The following CROCC variants were observed in gnomAD, a reference collection of about 807,000 sequenced individuals.
CROCC encodes the protein rootletin.
Under a neutral mutation model 245.2 loss-of-function variants are expected in CROCC, and 180 were observed. The observed-to-expected ratio is 0.73, with a 90% confidence interval of 0.65 to 0.83. CROCC has a LOEUF of 0.83. Ranked by LOEUF, CROCC falls within the 40% of genes least tolerant of loss-of-function variation. The pLI, the probability that CROCC is intolerant of heterozygous loss-of-function variation, is 0.00. For synonymous variants in CROCC, 1,205 were observed against 1,241.6 expected (o/e 0.97, Z 0.62); for missense variants, 2,688 against 2,779.4 (o/e 0.97, Z 0.74).
chr1:16,959,931 G>A (rs1324937193), intron 26 of CROCC, among the ~76,000 whole-genome samples: 1 of 151,388 alleles, frequency 6.6e-6, no homozygotes, highest in Non-Finnish European at 1.5e-5. Context: ...TGATTAATAA[G>A]CTGCTGTCAA....
At position 16,946,807 on chromosome 1, in the gene CROCC, A is replaced by G. The variant is rs1351014821; in HGVS notation, c.2330A>G (p.Glu777Gly). ...CTGCAGGGCCGGCAACGGCAGGCAG[A>G]GCAGGAGGCCACAGTGGCGCGGGAA... Reference protein sequence around the residue: ...SALQGRQRQAEQEATVAREEQ... With the variant: ...SALQGRQRQAGQEATVAREEQ... Residue 777 changes from glutamate (E) to glycine (G), a missense_variant, in exon 17 of 37, where the codon GAG (glutamate) becomes GGG (glycine). Around this residue, in one of 9 missense-constraint regions of CROCC, gnomAD observed 295 missense variants for 241.7 expected, o/e 1.22. Transcript: ENST00000375541. 1 of 1,552,560 alleles carries G rather than the reference A, an allele frequency of 6.4e-7. No individual in the cohort carries two copies.
At chr1:16,933,318 T>C (rs1196886806) in intron 8 of CROCC, among the ~76,000 whole-genome samples, 2 of 152,226 alleles carry the variant, frequency 1.3e-5, no homozygotes, top group African/African-American at 2.4e-5. Flanking sequence ...AATACAAAAC[T>C]TATCTAGGTG....
In CROCC at chr1:16,954,978, C is replaced by T. The variant is rs2076225484; in HGVS notation, c.3465+101C>T. On this transcript the variant is annotated intron_variant, in intron 23 of 36. Coordinates refer to ENST00000375541, the MANE Select transcript of CROCC (RefSeq NM_014675.5). The surrounding 1 kb of genome is among the most constrained non-coding windows in gnomAD (Gnocchi z 4.4). ...CCCCAGAAGAGTGTAAGATTCCTCC[C>T]TGCATTTGAGGACCAATGAATAGCA... 18 of 1,371,242 alleles carry T rather than the reference C, an allele frequency of 1.3e-5. No individual in the cohort carries two copies. Among genetic ancestry groups the T allele is most frequent in the Non-Finnish European group, 1.5e-5 (16 of 1,036,098 alleles). 84.9% of individuals were successfully genotyped at this position (1,371,242 alleles called of 1,614,324 possible).
chr1:16,964,137 A>ATTT lies in CROCC; in HGVS notation c.4406-1573_4406-1571dup, dbSNP rs59284131. On this transcript the variant is annotated intron_variant, in intron 27 of 36. Transcript: ENST00000375541. Reference sequence around the variant, plus strand: ...TTTTCTTTTCTTTTCTTTTTTCTTTATTTTTTTTTTTTTTTGAGACAGAGT... The same window carrying ATTT: ...TTTTCTTTTCTTTTCTTTTTTCTTTATTTTTTTTTTTTTTTTTTGAGACAGAGT... 9.8e-4 allele frequency among the ~76,000 whole-genome samples: 117 copies of ATTT among 119,454 alleles called. 1 individual carries two copies. Among genetic ancestry groups the ATTT allele is most frequent in the African/African-American group, 2.8e-3 (90 of 31,946 alleles). The allele number at this position is 119,454 out of a possible 152,430, so 78.4% of individuals were successfully genotyped here.
chr1:16,914,324 C>T (rs1356904863), intron 1 of CROCC, among the ~76,000 whole-genome samples: 1 of 152,198 alleles, frequency 6.6e-6, no homozygotes, highest in East Asian at 1.9e-4. Flanking sequence ...GATGCCCCGC[C>T]GCGTCCTGCC....
intron 8 of CROCC, 71 bp downstream of exon 8, chr1:16,931,468 T>G: frequency 7.1e-7 from 1 of 1,403,876 alleles, no homozygotes; most frequent in Non-Finnish European, 1.0e-6. Flanking sequence ...TGAACTCAGT[T>G]GAATTTCAGT....
chr1:16,944,272 C>A lies in CROCC; in HGVS notation c.1981C>A (p.Leu661Ile). The A allele has an allele frequency of 6.5e-7, 1 of 1,539,980 alleles. No homozygotes were observed. Among genetic ancestry groups the A allele is most frequent in the African/African-American group, 1.4e-5 (1 of 73,178 alleles). ...VQDGARVRRELERSHRQLEQL... is the reference protein window; with the variant it reads ...VQDGARVRREIERSHRQLEQL... ...GGATGGCGCGCGGGTGCGCCGGGAG[C>A]TTGAGCGCAGGTGAGCAGCATCTCG... The change falls in exon 14 of 37, where the codon CTT (leucine) becomes ATT (isoleucine). Residue 661 changes from leucine (L) to isoleucine (I), a missense_variant. This residue lies in a region of CROCC where 972 missense variants were observed against 895.3 expected (regional missense o/e 1.09). Transcript: ENST00000375541.
At chr1:16,915,188 G>A (rs1422820028) in intron 1 of CROCC, among the ~76,000 whole-genome samples, 1 of 152,272 alleles carries the variant, frequency 6.6e-6, no homozygotes, top group African/African-American at 2.4e-5. Context: ...ATATGTGTTC[G>A]CTGGTGTCCT....
At chr1:16,958,376 T>C (rs954482883) in intron 25 of CROCC, among the ~76,000 whole-genome samples, 1 of 152,158 alleles carries the variant, frequency 6.6e-6, no homozygotes, top group Non-Finnish European at 1.5e-5. Flanking sequence ...TTTTGGCCCA[T>C]TGATTAAGTG....
chr1:16,966,970 A>C lies in CROCC; in HGVS notation c.4860+399A>C, dbSNP rs2076428365. Among the ~76,000 whole-genome samples the C allele has an allele frequency of 6.6e-6, 1 of 151,964 alleles. No individual in the cohort carries two copies. Among genetic ancestry groups the C allele is most frequent in the African/African-American group, 2.4e-5 (1 of 41,374 alleles). ...CTCGGGAGGCTGAGGTGGGAAGATCACTGGAGCCCGGTAGGTCGAGGCTGC... is the reference window on the plus strand; with the variant it reads ...CTCGGGAGGCTGAGGTGGGAAGATCCCTGGAGCCCGGTAGGTCGAGGCTGC... On this transcript the variant is annotated intron_variant, in intron 30 of 36. Transcript: ENST00000375541. The surrounding 1 kb of genome is among the most constrained non-coding windows in gnomAD (Gnocchi z 4.8).
At chr1:16,961,899 C>G (rs939741163) in intron 27 of CROCC, among the ~76,000 whole-genome samples, 1 of 152,032 alleles carries the variant, frequency 6.6e-6, no homozygotes, top group South Asian at 2.1e-4. Flanking sequence ...TTTCCTGGAC[C>G]GGGGGCTGGA....
chr1:16,951,263 G>GGT (rs1557622221), intron 20 of CROCC, 141 bp downstream of exon 20: 1 of 716,374 alleles, frequency 1.4e-6, no homozygotes, highest in Non-Finnish European at 2.1e-6. Flanking sequence ...AGGACTGGGG[G>GGT]GATGGGGAGG....
Position 16,938,400 on chromosome 1 carries a change from G to A in CROCC, c.1291G>A (p.Glu431Lys). The A allele has an allele frequency of 2.6e-6, 4 of 1,562,470 alleles. No individual in the cohort carries two copies. The highest frequency in any genetic ancestry group is 3.5e-6 in the Non-Finnish European group (4 of 1,153,950). ...KDLTEKLEALESLRLQEQAAL... is the reference protein window; with the variant it reads ...KDLTEKLEALKSLRLQEQAAL... ...CTTTGTCTCCCTAACCGCACTCCAG[G>A]AATCCCTGCGGCTACAGGAGCAGGC... Residue 431 changes from glutamate to lysine, a missense_variant and splice_region_variant, in exon 11 of 37, where the codon GAA (glutamate) becomes AAA (lysine). By Grantham distance (56) the Glu-to-Lys change is moderately conservative (BLOSUM62 1). Around this residue, in one of 9 missense-constraint regions of CROCC, gnomAD observed 972 missense variants for 895.3 expected, o/e 1.09. Transcript: ENST00000375541.
intron 15 of CROCC, among the ~76,000 whole-genome samples, chr1:16,945,947 G>A (rs1227549236): frequency 2.6e-5 from 4 of 152,288 alleles, no homozygotes; most frequent in African/African-American, 9.6e-5. Context: ...TGGCAGGGGG[G>A]CCTGCGCTGT....
intron 31 of CROCC, 131 bp downstream of exon 31, chr1:16,968,549 A>T: frequency 1.0e-6 from 1 of 959,682 alleles, no homozygotes; most frequent in Admixed American, 3.4e-5. Context: ...AGATGGACAA[A>T]TGGAGGCTGA....
intron 27 of CROCC, among the ~76,000 whole-genome samples, chr1:16,964,137 A>C (rs1006293890): frequency 1.3e-3 from 161 of 119,454 alleles, no homozygotes; most frequent in Non-Finnish European, 1.9e-3. Context: ...TTTTTTCTTT[A>C]TTTTTTTTTT....
At chr1:16,961,688 G>C (rs1163179546) in intron 27 of CROCC, among the ~76,000 whole-genome samples, 1 of 152,080 alleles carries the variant, frequency 6.6e-6, no homozygotes, top group Non-Finnish European at 1.5e-5. Context: ...CCTCTGCCTT[G>C]GCAGCCTGTG....
intron 36 of CROCC, 60 bp downstream of exon 36, chr1:16,971,707 A>T: frequency 7.1e-7 from 1 of 1,404,422 alleles, no homozygotes; most frequent in South Asian, 1.5e-5. Context: ...CAGAAAGAGG[A>T]GAGACCCAAT....
In CROCC at chr1:16,955,952, C is replaced by G. The variant is rs546660388; in HGVS notation, c.3705-45C>G. ...GACGGCTTTTGTGTAGAGCCACTGA[C>G]TACTCCCAGGACCCAGGGCAGCCCC... On this transcript the variant is annotated intron_variant, in intron 24 of 36. Transcript: ENST00000375541. 2.2e-5 allele frequency: 34 copies of G among 1,547,322 alleles called. No individual in the cohort carries two copies. The East Asian group carries it at 4.6e-4, about 21-fold the overall frequency.
Sources: gnomAD v4.1 joint callset for allele counts (sites outside exome capture counted in the v4.1 genomes callset) on GRCh38, gnomAD v4.1.1 for gene constraint, gnomAD v4.1.1 regional missense constraint, Gnocchi (gnomAD v3.1) non-coding constraint, MANE v1.5 for transcripts, NCBI Gene and HGNC (gene_info 2026-07-23, HGNC 2026-07-21) for gene names.